AFM: variants seen among roughly 807,000 people sequenced by gnomAD.
The protein encoded by AFM is alpha-Alb.
A neutral mutation model predicts 68.7 loss-of-function variants in AFM; 82 were observed. The observed-to-expected ratio is 1.19, with a 90% CI of 1.00 to 1.43. The LOEUF (loss-of-function observed/expected upper bound fraction) is 1.43, where lower values mean the gene tolerates loss of function less well. AFM is among the 40% of genes most tolerant of loss of function. The pLI is 0.00. For missense variants in AFM, 772 were observed against 701.8 expected (o/e 1.10, Z -1.13); for synonymous variants, 250 against 234.2 (o/e 1.07, Z -0.61).
intron 7 of AFM, among the ~76,000 whole-genome samples, chr4:73,488,973 G>A (rs1306399169): frequency 1.3e-5 from 2 of 152,108 alleles, no homozygotes; most frequent in Admixed American, 1.3e-4. Flanking sequence ...TGAATAGATT[G>A]TATATTATAT....
At chr4:73,491,138 A>T (rs1191622320) in intron 7 of AFM, among the ~76,000 whole-genome samples, 1 of 152,210 alleles carries the variant, frequency 6.6e-6, no homozygotes, top group Non-Finnish European at 1.5e-5. Context: ...GGCCCAGAAC[A>T]GTTTTTAAAA....
intron 9 of AFM, among the ~76,000 whole-genome samples, chr4:73,497,014 C>G (rs951587031): frequency 6.6e-6 from 1 of 152,128 alleles, no homozygotes; most frequent in Non-Finnish European, 1.5e-5. Flanking sequence ...TTAAATTAAT[C>G]ATAGCGCTAG....
intron 4 of AFM, 45 bp downstream of exon 4, chr4:73,486,118 C>A: frequency 6.7e-7 from 1 of 1,483,808 alleles, no homozygotes; most frequent in Non-Finnish European, 9.4e-7. Flanking sequence ...AAGAATTAGT[C>A]TTAGGCTGAA....
At position 73,487,825 on chromosome 4, in the gene AFM, A is replaced by C. The variant is rs747883589; in HGVS notation, c.713+4A>C. 9 of 1,558,642 alleles carry C rather than the reference A, an allele frequency of 5.8e-6. No individual in the cohort carries two copies. The highest frequency in any genetic ancestry group is 7.1e-6 in the Non-Finnish European group (8 of 1,130,666). ...GAACCAAAGTTGTACACTTTATGTG[A>C]GTTTTATACTATATGTCTTGTCTCT... On this transcript the variant is annotated splice_donor_region_variant and intron_variant, in intron 6 of 14. Coordinates refer to ENST00000226355, the MANE Select transcript of AFM (RefSeq NM_001133.2).
At chr4:73,485,752 A>C in intron 3 of AFM, 110 bp from the exon 4 acceptor site, 15 of 764,022 alleles carry the variant, frequency 2.0e-5, no homozygotes, top group Middle Eastern at 3.4e-4. Flanking sequence ...GAGAAAGAGA[A>C]GGAGCTCTGT....
rs919497929 is a variant in AFM at position 73,496,324 on chromosome 4, C to T, written c.1191+892C>T. 1.2e-4 allele frequency among the ~76,000 whole-genome samples: 18 copies of T among 152,132 alleles called. No homozygotes were observed. The South Asian group carries it at 2.9e-3, about 25-fold the overall frequency. On this transcript the variant is annotated intron_variant, in intron 9 of 14. Transcript: ENST00000226355. ...TTATTTAATTTATTTAACTGATTTC[C>T]TACTGTGTGTTTGACATTTTGGATG...
intron 8 of AFM, among the ~76,000 whole-genome samples, chr4:73,492,723 G>A (rs1043047355): frequency 2.0e-5 from 3 of 149,588 alleles, no homozygotes; most frequent in Admixed American, 1.3e-4. Context: ...TTGAACCTGG[G>A]AGGCAGAGGT....
At chr4:73,503,405 G>C (rs569064864) in intron 14 of AFM, among the ~76,000 whole-genome samples, 1 of 152,198 alleles carries the variant, frequency 6.6e-6, no homozygotes, top group East Asian at 1.9e-4. Context: ...CAGCTGTCTG[G>C]ACCACAAAGG....
chr4:73,484,482 CT>C (rs1560408082), intron 3 of AFM, 92 bp downstream of exon 3: 13 of 677,096 alleles, frequency 1.9e-5, no homozygotes, highest in Non-Finnish European at 2.5e-5. Context: ...TTCTTTCTTT[CT>C]TTCTTTCTTT....
chr4:73,492,207 T>C, intron 8 of AFM, 121 bp downstream of exon 8: 1 of 885,184 alleles, frequency 1.1e-6, no homozygotes, highest in Non-Finnish European at 1.7e-6. Context: ...ATCATATAAT[T>C]TTTTTTTAAA....
intron 7 of AFM, among the ~76,000 whole-genome samples, chr4:73,490,187 C>CAAAAAAAA (rs374246384): frequency 2.2e-5 from 2 of 92,826 alleles, no homozygotes; most frequent in African/African-American, 3.8e-5. Context: ...AACCTTATTT[C>CAAAAAAAA]AAAAAAAAAA....
chr4:73,491,600 T>C (rs536704894), intron 7 of AFM, among the ~76,000 whole-genome samples: 2 of 152,336 alleles, frequency 1.3e-5, no homozygotes, highest in Admixed American at 6.5e-5. Flanking sequence ...AGGAGGGTTA[T>C]TTAAAAGACT....
intron 7 of AFM, among the ~76,000 whole-genome samples, chr4:73,490,611 C>T (rs544536088): frequency 2.0e-5 from 3 of 151,992 alleles, no homozygotes; most frequent in African/African-American, 4.8e-5. Context: ...TTAGTAGAGA[C>T]GGGGTTTCAC....
At chr4:73,484,436 CTTTCTCTTTCTT>C (rs1720809341) in intron 3 of AFM, 46 bp downstream of exon 3, 1 of 1,277,146 alleles carries the variant, frequency 7.8e-7, no homozygotes, top group African/African-American at 1.6e-5. Flanking sequence ...TTATGTCTTT[CTTTCTCTTTCTT>C]TCTTTCTTTC....
In AFM at chr4:73,485,851, C is replaced by G. The variant is rs930371931; in HGVS notation, c.271-11C>G. On this transcript the variant is annotated splice_polypyrimidine_tract_variant and intron_variant, in intron 3 of 14. Coordinates refer to ENST00000226355, the MANE Select transcript of AFM (RefSeq NM_001133.2). ...TGACTAAAAATTGTCCTTTTCTTCTCTGTTGTATAGAATAATGTTTTACAG... is the reference window on the plus strand; with the variant it reads ...TGACTAAAAATTGTCCTTTTCTTCTGTGTTGTATAGAATAATGTTTTACAG... The G allele has an allele frequency of 1.9e-6, 3 of 1,610,084 alleles. No individual in the cohort carries two copies. The South Asian group carries it at 3.3e-5, about 18-fold the overall frequency.
chr4:73,494,535 A>T (rs992267550), intron 8 of AFM, among the ~76,000 whole-genome samples: 1 of 152,172 alleles, frequency 6.6e-6, no homozygotes, highest in Non-Finnish European at 1.5e-5. Flanking sequence ...TCTTCCATTG[A>T]TAGGAAGGTG....
intron 12 of AFM, 151 bp downstream of exon 12, chr4:73,500,378 A>C: frequency 1.4e-6 from 1 of 697,890 alleles, no homozygotes; most frequent in Admixed American, 3.4e-5. Context: ...GGAAAAATAC[A>C]AGTGCATATT....
intron 8 of AFM, among the ~76,000 whole-genome samples, chr4:73,493,532 G>A (rs1721160053): frequency 6.6e-6 from 1 of 152,146 alleles, no homozygotes; most frequent in African/African-American, 2.4e-5. Flanking sequence ...AACAACTAAT[G>A]TTTACTGAAT....
chr4:73,495,744 G>A (rs1577979178), intron 9 of AFM, among the ~76,000 whole-genome samples: 1 of 152,112 alleles, frequency 6.6e-6, no homozygotes, highest in Admixed American at 6.5e-5. Flanking sequence ...GATTTCAAAA[G>A]CAATGATTGC....
Sources: allele counts gnomAD v4.1 joint callset (sites outside exome capture counted in the v4.1 genomes callset), GRCh38; gene constraint gnomAD v4.1.1; transcripts MANE v1.5; gene names NCBI Gene and HGNC (gene_info 2026-07-23, HGNC 2026-07-21).